The following DCLK1 variants were observed in gnomAD, a reference collection of about 807,000 sequenced individuals.
The protein encoded by DCLK1 is doublecortin like kinase 1, also known as serine/threonine-protein kinase DCLK1.
A neutral mutation model predicts 86.2 loss-of-function variants in DCLK1; 16 were observed. The ratio of observed to expected loss-of-function variants is 0.19; its 90% CI spans 0.13 to 0.28. The LOEUF is 0.28. DCLK1 is among the 10% of genes least tolerant of loss of function. DCLK1 has a pLI of 1.00. For missense variants in DCLK1, 590 were observed against 940.2 expected (o/e 0.63, Z 4.87); for synonymous variants, 369 against 370.5 (o/e 1.00, Z 0.05).
rs9601846 is a variant in DCLK1, at chr13:35,981,142, A to G, written c.724-33685T>C. Among the ~76,000 whole-genome samples the G allele has an allele frequency of 5.8e-3, 885 of 152,238 alleles. 6 individuals carry two copies. The highest frequency in any genetic ancestry group is 0.02 in the African/African-American group (843 of 41,552). On this transcript the variant is annotated intron_variant, in intron 3 of 16. Transcript: ENST00000360631. ...TTCATAATGCTATAAGGTTTCATTAATCAAAAGAGTGCAGCCCAGTTCTTA... is the reference window on the plus strand; with the variant it reads ...TTCATAATGCTATAAGGTTTCATTAGTCAAAAGAGTGCAGCCCAGTTCTTA...
intron 4 of DCLK1, among the ~76,000 whole-genome samples, chr13:35,891,984 T>C (rs1413048501): frequency 6.6e-6 from 1 of 152,172 alleles, no homozygotes; most frequent in African/African-American, 2.4e-5. Flanking sequence ...AGATGCTATA[T>C]AACATAACAT....
chr13:35,918,237 C>T (rs550145983), intron 4 of DCLK1, among the ~76,000 whole-genome samples: 4 of 152,178 alleles, frequency 2.6e-5, no homozygotes, highest in South Asian at 2.1e-4. Context: ...CACCAAATCC[C>T]GATACAATAT....
At chr13:35,879,073 C>T (rs1399976612) in intron 4 of DCLK1, among the ~76,000 whole-genome samples, 1 of 152,026 alleles carries the variant, frequency 6.6e-6, no homozygotes. Flanking sequence ...GGCATGGCCA[C>T]CACACCGGGC....
At chr13:35,994,645 C>T (rs1880396105) in intron 3 of DCLK1, among the ~76,000 whole-genome samples, 1 of 152,148 alleles carries the variant, frequency 6.6e-6, no homozygotes, top group African/African-American at 2.4e-5. Context: ...CAGTGATTGG[C>T]TTGGATGAAT....
rs9531403 is a variant in DCLK1, at chr13:36,058,911, A to T, written c.723+52958T>A. ...ATATCCCTTATTTTTCTCAGGAATA[A>T]GTTAGTAATGATCAGAATATCTACT... On this transcript the variant is annotated intron_variant, in intron 3 of 16. Coordinates refer to ENST00000360631, the MANE Select transcript of DCLK1 (RefSeq NM_001330071.2). Among the ~76,000 whole-genome samples the T allele has an allele frequency of 4.6e-5, 7 of 152,312 alleles. 1 individual carries two copies. In the Middle Eastern group the frequency reaches 0.017, roughly 370 times the overall value.
intron 15 of DCLK1, among the ~76,000 whole-genome samples, chr13:35,803,184 C>G (rs927297106): frequency 2.6e-5 from 4 of 152,128 alleles, no homozygotes; most frequent in Admixed American, 2.6e-4. Flanking sequence ...AGAAAATCAC[C>G]CTGCATAGCC....
At chr13:36,018,711 T>G (rs575665783) in intron 3 of DCLK1, among the ~76,000 whole-genome samples, 5 of 152,298 alleles carry the variant, frequency 3.3e-5, no homozygotes, top group South Asian at 4.1e-4. Flanking sequence ...AATAAAAAAT[T>G]AGCTATCCAA....
chr13:36,035,771 A>G (rs1441730905), intron 3 of DCLK1, among the ~76,000 whole-genome samples: 2 of 152,186 alleles, frequency 1.3e-5, no homozygotes, highest in Non-Finnish European at 2.9e-5. Context: ...AAGTACGTAC[A>G]TACTTTTTTA....
chr13:35,814,860 A>G (rs1157788588), intron 11 of DCLK1, among the ~76,000 whole-genome samples: 2 of 152,208 alleles, frequency 1.3e-5, no homozygotes, highest in Non-Finnish European at 2.9e-5. Context: ...CATATGTATC[A>G]TATTACCATA....
intron 4 of DCLK1, among the ~76,000 whole-genome samples, chr13:35,909,597 ATGTGTGTGTGTGTGTGTGTGTGTG>A (rs57044533): frequency 1.4e-4 from 20 of 146,242 alleles, no homozygotes; most frequent in African/African-American, 3.3e-4. Context: ...CTGTGTGCAT[ATGTGTGTGTGTGTGTGTGTGTGTG>A]TGTGTGTGTG....
chr13:36,048,716 T>C (rs533648741), intron 3 of DCLK1, among the ~76,000 whole-genome samples: 1 of 152,326 alleles, frequency 6.6e-6, no homozygotes, highest in East Asian at 1.9e-4. Context: ...GCTTTACTAA[T>C]AAGCTGTGTG....
chr13:36,033,663 C>A (rs1388176652), intron 3 of DCLK1, among the ~76,000 whole-genome samples: 1 of 152,190 alleles, frequency 6.6e-6, no homozygotes, highest in African/African-American at 2.4e-5. Context: ...CGGTAGCTCA[C>A]GCCTGTAATC....
intron 5 of DCLK1, among the ~76,000 whole-genome samples, chr13:35,859,889 C>G (rs1871285818): frequency 1.3e-5 from 2 of 152,204 alleles, no homozygotes; most frequent in South Asian, 4.1e-4. Flanking sequence ...TGTAGGTTAA[C>G]ACTTCTTTTT....
chr13:35,951,956 C>G (rs994729431), intron 3 of DCLK1, among the ~76,000 whole-genome samples: 4 of 152,106 alleles, frequency 2.6e-5, no homozygotes, highest in Non-Finnish European at 4.4e-5. Context: ...TTAAGCTGTT[C>G]CCTAAGAGCA....
intron 5 of DCLK1, among the ~76,000 whole-genome samples, chr13:35,862,209 G>A (rs1871451892): frequency 7.1e-6 from 1 of 141,818 alleles, no homozygotes; most frequent in East Asian, 1.9e-4. Context: ...CAGATCTCCT[G>A]ACTTAGAACA....
intron 3 of DCLK1, among the ~76,000 whole-genome samples, chr13:36,014,683 T>C (rs1452491998): frequency 6.6e-6 from 1 of 152,172 alleles, no homozygotes; most frequent in Non-Finnish European, 1.5e-5. Context: ...TCTATCTTTT[T>C]CTAGTCTGTA....
At position 36,028,011 on chromosome 13, in the gene DCLK1, T is replaced by A. The variant is rs73523392; in HGVS notation, c.724-80554A>T. Among the ~76,000 whole-genome samples the A allele has an allele frequency of 6.8e-3, 1,034 of 152,298 alleles. 10 individuals are homozygous for A. The highest frequency in any genetic ancestry group is 0.023 in the African/African-American group (963 of 41,566). On this transcript the variant is annotated intron_variant, in intron 3 of 16. Coordinates refer to ENST00000360631, the MANE Select transcript of DCLK1 (RefSeq NM_001330071.2). Reference sequence around the variant, plus strand: ...TCCCAAAGTGCTGTGATTGCAGGAGTGAGCCACCATGCCTGGCCTAAATAC... The same window carrying A: ...TCCCAAAGTGCTGTGATTGCAGGAGAGAGCCACCATGCCTGGCCTAAATAC...
intron 3 of DCLK1, among the ~76,000 whole-genome samples, chr13:35,984,345 T>A (rs552738224): frequency 1.6e-4 from 24 of 152,332 alleles, no homozygotes; most frequent in African/African-American, 5.5e-4. Flanking sequence ...TTGCCTGACA[T>A]GTAATTCACT....
intron 3 of DCLK1, among the ~76,000 whole-genome samples, chr13:35,958,213 T>C (rs201847465): frequency 0.085 from 1,620 of 19,048 alleles, 21 homozygotes; most frequent in Middle Eastern, 0.21. Context: ...ATTATAACCA[T>C]CACCACCACC....
Sources: allele counts gnomAD v4.1 joint callset (sites outside exome capture counted in the v4.1 genomes callset), GRCh38; gene constraint gnomAD v4.1.1; transcripts MANE v1.5; gene names NCBI Gene and HGNC (gene_info 2026-07-23, HGNC 2026-07-21).